The following VANGL1 variants were observed in gnomAD, a reference collection of about 807,000 sequenced individuals.
VANGL1 encodes VANGL planar cell polarity protein 1.
Under a neutral mutation model 48.4 loss-of-function variants are expected in VANGL1, and 18 were observed. The observed-to-expected ratio is 0.37, with a 90% CI of 0.26 to 0.55. The LOEUF (loss-of-function observed/expected upper bound fraction) is 0.55, where lower values mean the gene tolerates loss of function less well. VANGL1 is among the 20% of genes least tolerant of loss of function. VANGL1 has a pLI of 0.81. For synonymous variants in VANGL1, 257 were observed against 261.8 expected (o/e 0.98, Z 0.18); for missense variants, 667 against 675.8 (o/e 0.99, Z 0.14).
chr1:115,659,844 A>G (rs943175292), intron 3 of VANGL1, 71 bp downstream of exon 3: 1 of 1,602,136 alleles, frequency 6.2e-7, no homozygotes. Context: ...TGTTTTCCTT[A>G]GGTTCTCTTG....
chr1:115,664,663 TC>T (rs1652704715), intron 4 of VANGL1, among the ~76,000 whole-genome samples: 1 of 152,200 alleles, frequency 6.6e-6, no homozygotes, highest in Non-Finnish European at 1.5e-5. Flanking sequence ...TACCATGTTG[TC>T]CCAGTGGAAT....
At chr1:115,672,385 T>C (rs1653009569) in intron 4 of VANGL1, among the ~76,000 whole-genome samples, 1 of 152,208 alleles carries the variant, frequency 6.6e-6, no homozygotes, top group African/African-American at 2.4e-5. Flanking sequence ...CTGCCGAAGC[T>C]TTTGTGTAGC....
At chr1:115,644,172 A>G (rs947251496) in intron 1 of VANGL1, among the ~76,000 whole-genome samples, 3 of 152,210 alleles carry the variant, frequency 2.0e-5, no homozygotes, top group African/African-American at 7.2e-5. Context: ...TTCTGTAGCT[A>G]AGAACACAGG....
Position 115,691,360 on chromosome 1 carries a change from A to T in VANGL1, c.1556A>T (p.Gln519Leu), listed in dbSNP as rs935211103. The change falls in exon 8 of 8, where the codon CAG becomes CTG. Residue 519 changes from glutamine to leucine, a missense_variant. Physicochemically the swap from Gln to Leu is moderately radical, Grantham distance 113 (BLOSUM62 -2). Coordinates refer to ENST00000355485, the MANE Select transcript of VANGL1 (RefSeq NM_138959.3). ...TCTCACAAATTTGTCCTTCGCTTACAGTCTGAGACATCCGTTTAAAAGTTC... is the reference window on the plus strand; with the variant it reads ...TCTCACAAATTTGTCCTTCGCTTACTGTCTGAGACATCCGTTTAAAAGTTC... ...PKSHKFVLRL[Q>L]SETSV 1.2e-6 allele frequency: 2 copies of T among 1,614,174 alleles called. No homozygotes were observed. The highest frequency in any genetic ancestry group is 1.7e-6 in the Non-Finnish European group (2 of 1,180,040).
chr1:115,687,530 A>G lies in VANGL1; in HGVS notation c.1314+2003A>G, dbSNP rs1653675268. On this transcript the variant is annotated intron_variant, in intron 7 of 7. Coordinates refer to ENST00000355485, the MANE Select transcript of VANGL1 (RefSeq NM_138959.3). ...ATTAAAAATAATAGCTGTTTTTGGT[A>G]TAGAAATCCAAACATTAAAGAAAAG... 1.4e-5 allele frequency among the ~76,000 whole-genome samples: 2 copies of G among 138,838 alleles called. 1 individual carries two copies. The highest frequency in any genetic ancestry group is 4.8e-4 in the South Asian group (2 of 4,138). The allele number at this position is 138,838 out of a possible 152,430, so 91.1% of individuals were successfully genotyped here.
At chr1:115,645,765 A>G (rs1651890205) in intron 1 of VANGL1, among the ~76,000 whole-genome samples, 1 of 152,248 alleles carries the variant, frequency 6.6e-6, no homozygotes, top group Middle Eastern at 3.2e-3. Context: ...GCAGAATTCT[A>G]TGTAAAAATC....
intron 6 of VANGL1, among the ~76,000 whole-genome samples, chr1:115,684,645 T>C (rs1158701383): frequency 2.0e-5 from 3 of 151,912 alleles, no homozygotes; most frequent in Middle Eastern, 3.2e-3. Context: ...AGGTGTGGAG[T>C]TGGGCCCAAG....
chr1:115,683,088 T>G (rs10923179), intron 5 of VANGL1, among the ~76,000 whole-genome samples: 101,304 of 152,044 alleles, frequency 0.67, 33,947 homozygotes, highest in South Asian at 0.75. Flanking sequence ...GGATTATATT[T>G]TCAACAAGTC....
At chr1:115,672,334 G>A (rs1328760848) in intron 4 of VANGL1, among the ~76,000 whole-genome samples, 1 of 152,180 alleles carries the variant, frequency 6.6e-6, no homozygotes, top group African/African-American at 2.4e-5. Flanking sequence ...CAAAAGCCAG[G>A]TACGCTTTCC....
At chr1:115,662,879 C>G (rs912438810) in intron 3 of VANGL1, among the ~76,000 whole-genome samples, 1 of 151,900 alleles carries the variant, frequency 6.6e-6, no homozygotes, top group Non-Finnish European at 1.5e-5. Context: ...CTCCGACTCC[C>G]GGGTTCAAGC....
intron 7 of VANGL1, among the ~76,000 whole-genome samples, chr1:115,688,325 A>G (rs902693302): frequency 7.2e-6 from 1 of 138,418 alleles, no homozygotes; most frequent in Non-Finnish European, 1.6e-5. Context: ...ATTTGGATTA[A>G]GAGTTTTCAT....
At position 115,695,467 on chromosome 1, in the gene VANGL1, T is replaced by C. The variant is rs1654000785; in HGVS notation, c.*4088T>C. 6.7e-6 allele frequency: 1 copy of C among 148,564 alleles called. No homozygotes were observed. Among genetic ancestry groups the C allele is most frequent in the Non-Finnish European group, 1.5e-5 (1 of 68,014 alleles). 9.2% of individuals were successfully genotyped at this position (148,564 alleles called of 1,614,324 possible). A position where few individuals can be genotyped will look rare whatever the true frequency, so the allele number is the denominator to read the frequency against. ...ATTATAAATAAAATAAGAATTGCTC[T>C]TCTGCCCACCGTTCTTGATTGGTAT... On this transcript the variant is annotated 3_prime_UTR_variant, in exon 8 of 8. Coordinates refer to ENST00000355485, the MANE Select transcript of VANGL1 (RefSeq NM_138959.3).
chr1:115,683,667 T>C (rs533811544), intron 5 of VANGL1, among the ~76,000 whole-genome samples: 1 of 152,324 alleles, frequency 6.6e-6, no homozygotes, highest in African/African-American at 2.4e-5. Flanking sequence ...TTGGCCAACA[T>C]TTTAATTGCC....
chr1:115,671,825 C>T (rs1363143648), intron 4 of VANGL1, among the ~76,000 whole-genome samples: 1 of 152,144 alleles, frequency 6.6e-6, no homozygotes, highest in East Asian at 1.9e-4. Flanking sequence ...CCTAGGTGCC[C>T]CAGTAGGGGA....
chr1:115,693,536 TC>T lies in VANGL1; in HGVS notation c.*2162del. ...TAAATTAAAGAATTTATTTTCTCTCTCCCCCTTCCTCTTTCTCCCAGTCTTT... is the reference window on the plus strand; with the variant it reads ...TAAATTAAAGAATTTATTTTCTCTCTCCCCTTCCTCTTTCTCCCAGTCTTT... On this transcript the variant is annotated 3_prime_UTR_variant, in exon 8 of 8. Transcript: ENST00000355485. The T allele has an allele frequency of 6.6e-6, 1 of 152,466 alleles. No homozygotes were observed. 9.4% of individuals were successfully genotyped at this position (152,466 alleles called of 1,614,324 possible). A position where few individuals can be genotyped will look rare whatever the true frequency, so the allele number is the denominator to read the frequency against.
At chr1:115,660,120 T>C (rs746465868) in intron 3 of VANGL1, among the ~76,000 whole-genome samples, 1 of 152,092 alleles carries the variant, frequency 6.6e-6, no homozygotes, top group African/African-American at 2.4e-5. Flanking sequence ...CTAAGAAGTT[T>C]AAAAAACATG....
At chr1:115,688,217 ATACAGATATAAC>A (rs773782749) in intron 7 of VANGL1, among the ~76,000 whole-genome samples, 7 of 138,082 alleles carry the variant, frequency 5.1e-5, no homozygotes, top group Non-Finnish European at 7.9e-5. Context: ...GATCTTACTC[ATACAGATATAAC>A]TACAGATATA....
intron 4 of VANGL1, among the ~76,000 whole-genome samples, chr1:115,680,609 C>T (rs1015895584): frequency 2.0e-5 from 3 of 152,180 alleles, no homozygotes; most frequent in African/African-American, 7.2e-5. Context: ...CAACTGAATG[C>T]GGGCACTGTT....
Position 115,651,199 on chromosome 1 carries a change from G to A in VANGL1, c.-137-78G>A, listed in dbSNP as rs563187708. 3 of 567,528 alleles carry A rather than the reference G, an allele frequency of 5.3e-6. No individual in the cohort carries two copies. In the East Asian group the frequency reaches 9.1e-5, roughly 17 times the overall value. The allele number at this position is 567,528 out of a possible 1,614,324, so 35.2% of individuals were successfully genotyped here. A position where few individuals can be genotyped will look rare whatever the true frequency, so the allele number is the denominator to read the frequency against. On this transcript the variant is annotated intron_variant, in intron 1 of 7. Transcript: ENST00000355485. ...GATAGAGACCCCAGAGAGGAGGTGT[G>A]GCTTTGTCATTTATCTTTCAGCCCC...
Sources: allele counts gnomAD v4.1 joint callset (sites outside exome capture counted in the v4.1 genomes callset), GRCh38; gene constraint gnomAD v4.1.1; transcripts MANE v1.5; gene names NCBI Gene and HGNC (gene_info 2026-07-23, HGNC 2026-07-21).